Variants in GDPD4 observed in about 807,000 individuals in gnomAD.
GDPD4 encodes glycerophosphodiester phosphodiesterase 6.
Under a neutral mutation model 67.8 loss-of-function variants are expected in GDPD4, and 60 were observed. The observed-to-expected ratio is 0.88, with a 90% CI of 0.72 to 1.10. The LOEUF is 1.10. Ranked by LOEUF, GDPD4 falls within the 50% of genes least tolerant of loss-of-function variation. The pLI, the probability that GDPD4 is intolerant of heterozygous loss-of-function variation, is 0.00. For synonymous variants in GDPD4, 212 were observed against 210.9 expected (o/e 1.00, Z -0.04); for missense variants, 623 against 613.9 (o/e 1.01, Z -0.16).
chr11:77,287,788 G>T (rs144680985), intron 1 of GDPD4, among the ~76,000 whole-genome samples: 2 of 152,114 alleles, frequency 1.3e-5, no homozygotes, highest in Non-Finnish European at 2.9e-5. Flanking sequence ...TTAAAGGCAC[G>T]GGTGAGGTAC....
intron 11 of GDPD4, among the ~76,000 whole-genome samples, chr11:77,257,672 C>T (rs1046877511): frequency 6.6e-6 from 1 of 151,906 alleles, no homozygotes; most frequent in Admixed American, 6.6e-5. Flanking sequence ...CTTCCCTCAG[C>T]TCAAATGGTA....
intron 16 of GDPD4, among the ~76,000 whole-genome samples, chr11:77,224,845 T>C (rs2135821871): frequency 6.6e-6 from 1 of 152,078 alleles, no homozygotes; most frequent in Middle Eastern, 3.4e-3. Context: ...CTCACATCTG[T>C]AATTCCAGTG....
In GDPD4 at chr11:77,219,649, T is replaced by G. The variant is rs1347537606; in HGVS notation, c.1526-2335A>C. Among the ~76,000 whole-genome samples, 16 of 152,186 alleles carry G rather than the reference T, an allele frequency of 1.1e-4. 1 individual carries two copies. Among genetic ancestry groups the G allele is most frequent in the Admixed American group, 5.2e-4 (8 of 15,274 alleles). ...TTAAATAGGGAATCCTTTCCCCATTTCTTGTTTTTGTCAGGTTTGTCAAAG... is the reference window on the plus strand; with the variant it reads ...TTAAATAGGGAATCCTTTCCCCATTGCTTGTTTTTGTCAGGTTTGTCAAAG... On this transcript the variant is annotated intron_variant, in intron 16 of 16. Transcript: ENST00000315938.
chr11:77,278,800 C>A (rs538402916), intron 4 of GDPD4, among the ~76,000 whole-genome samples: 12 of 152,368 alleles, frequency 7.9e-5, no homozygotes, highest in African/African-American at 2.9e-4. Context: ...TGTTAGGCAA[C>A]AGAAGCAAGG....
intron 1 of GDPD4, among the ~76,000 whole-genome samples, chr11:77,288,109 C>T (rs1960067996): frequency 6.6e-6 from 1 of 152,160 alleles, no homozygotes; most frequent in Admixed American, 6.5e-5. Context: ...GGCACTACTA[C>T]CACCACCAAT....
At chr11:77,252,493 C>G (rs1958926221) in intron 11 of GDPD4, among the ~76,000 whole-genome samples, 2 of 151,912 alleles carry the variant, frequency 1.3e-5, no homozygotes, top group African/African-American at 4.8e-5. Context: ...ATTTTGAATT[C>G]CTTTTCCAGT....
intron 16 of GDPD4, among the ~76,000 whole-genome samples, chr11:77,226,579 G>A (rs1354458758): frequency 1.3e-5 from 2 of 152,180 alleles, no homozygotes; most frequent in African/African-American, 2.4e-5. Flanking sequence ...CCAGAACTGT[G>A]AGAAAATAAA....
At chr11:77,265,458 C>T (rs188114247) in intron 10 of GDPD4, among the ~76,000 whole-genome samples, 2 of 152,052 alleles carry the variant, frequency 1.3e-5, no homozygotes, top group African/African-American at 2.4e-5. Flanking sequence ...AAAGCTAACG[C>T]AATTCTTTTC....
rs746292785 is a variant in GDPD4 at position 77,227,928 on chromosome 11, C to G, written c.1473-12G>C. On this transcript the variant is annotated splice_polypyrimidine_tract_variant and intron_variant, in intron 15 of 16. Transcript: ENST00000315938. ...CAGTCTCTCTCCGCCTAGAAGGAAG[C>G]AGACCATCCATGAAATGAAGGGGTC... The G allele has an allele frequency of 8.1e-6, 13 of 1,601,870 alleles. No homozygotes were observed. In the South Asian group the frequency reaches 1.4e-4, roughly 18 times the overall value.
intron 7 of GDPD4, 120 bp downstream of exon 7, chr11:77,271,010 A>T: frequency 1.4e-6 from 1 of 691,036 alleles, no homozygotes; most frequent in Non-Finnish European, 2.5e-6. Context: ...GTAACAAGCT[A>T]AATGAATTTC....
At chr11:77,287,947 A>G (rs1960063198) in intron 1 of GDPD4, among the ~76,000 whole-genome samples, 2 of 152,216 alleles carry the variant, frequency 1.3e-5, no homozygotes, top group African/African-American at 4.8e-5. Flanking sequence ...AAATGTGACA[A>G]GTTTATTTTT....
In GDPD4 at chr11:77,233,191, C is replaced by A; in HGVS notation, c.1242-19G>T. ...ATAATCTCTGGAACAAAAACAGAAC[C>A]CACAGGGGATTTAGATCAAGTTTCA... On this transcript the variant is annotated intron_variant, in intron 13 of 16. Coordinates refer to ENST00000315938, the MANE Select transcript of GDPD4 (RefSeq NM_182833.3). The A allele has an allele frequency of 6.2e-7, 1 of 1,608,308 alleles. No homozygotes were observed. Among genetic ancestry groups the A allele is most frequent in the Non-Finnish European group, 8.5e-7 (1 of 1,175,166 alleles).
intron 11 of GDPD4, among the ~76,000 whole-genome samples, chr11:77,257,890 G>A (rs919091894): frequency 1.3e-5 from 2 of 152,046 alleles, no homozygotes; most frequent in Admixed American, 6.5e-5. Flanking sequence ...AAATTAACTC[G>A]TTTTGCTCTT....
In GDPD4 at chr11:77,301,668, A is replaced by AT. The variant is rs1327348197; in HGVS notation, c.-318dup. The AT allele has an allele frequency of 1.3e-5, 2 of 152,016 alleles. No homozygotes were observed. Among genetic ancestry groups the AT allele is most frequent in the Non-Finnish European group, 2.9e-5 (2 of 68,074 alleles). The allele number at this position is 152,016 out of a possible 1,614,324, so 9.4% of individuals were successfully genotyped here. Reference sequence around the variant, plus strand: ...CCTGAGGAGACCAGCGTCTCTTAAGATGGACGCCTGGCTGGAAGGGCAGCC... The same window carrying AT: ...CCTGAGGAGACCAGCGTCTCTTAAGATTGGACGCCTGGCTGGAAGGGCAGCC... On this transcript the variant is annotated 5_prime_UTR_variant, in exon 1 of 17. Transcript: ENST00000315938.
At chr11:77,295,216 G>T (rs949302473) in intron 1 of GDPD4, among the ~76,000 whole-genome samples, 34 of 151,538 alleles carry the variant, frequency 2.2e-4, no homozygotes, top group African/African-American at 8.0e-4. Flanking sequence ...TGGATCTCCT[G>T]ACCTCAAAGG....
intron 11 of GDPD4, among the ~76,000 whole-genome samples, chr11:77,246,443 C>T (rs977809128): frequency 5.3e-5 from 8 of 152,088 alleles, no homozygotes; most frequent in Non-Finnish European, 1.0e-4. Flanking sequence ...AAATTATTAA[C>T]GACTATATTT....
rs1958482412 is a variant in GDPD4, at chr11:77,233,022, C to T, written c.1389+3G>A. The T allele has an allele frequency of 1.8e-5, 29 of 1,613,652 alleles. No homozygotes were observed. In the East Asian group the frequency reaches 6.2e-4, roughly 35 times the overall value. ...GGAAGAACAATCTGGACAACCAGCT[C>T]ACCATGAAGAAGTGAGGGTGATCAA... On this transcript the variant is annotated splice_donor_region_variant and intron_variant, in intron 14 of 16. Transcript: ENST00000315938.
At chr11:77,252,054 G>GTTTGTTTTTTTTTTTTTTTT (rs1565523210) in intron 11 of GDPD4, among the ~76,000 whole-genome samples, 1 of 42,336 alleles carries the variant, frequency 2.4e-5, no homozygotes, top group African/African-American at 5.3e-5. Flanking sequence ...TTGTTTGTTT[G>GTTTGTTTTTTTTTTTTTTTT]TTTTTTTTTT....
At chr11:77,236,534 A>C (rs1291946611) in intron 13 of GDPD4, among the ~76,000 whole-genome samples, 1 of 152,218 alleles carries the variant, frequency 6.6e-6, no homozygotes, top group Non-Finnish European at 1.5e-5. Context: ...GCCAAAAGAT[A>C]GAAAAAGACT....
Sources: gnomAD v4.1 joint callset for allele counts (sites outside exome capture counted in the v4.1 genomes callset) on GRCh38, gnomAD v4.1.1 for gene constraint, MANE v1.5 for transcripts, NCBI Gene and HGNC (gene_info 2026-07-23, HGNC 2026-07-21) for gene names.